RASD2: variants seen among roughly 807,000 people sequenced by gnomAD.
RASD2 encodes the protein GTP-binding protein Rhes.
Under a neutral mutation model 15.8 loss-of-function variants are expected in RASD2, and 7 were observed. The observed-to-expected ratio is 0.44, with a 90% CI of 0.25 to 0.83. The LOEUF is 0.83. RASD2 is among the 40% of genes least tolerant of loss of function. RASD2 has a pLI of 0.20. For synonymous variants in RASD2, 155 were observed against 153.6 expected (o/e 1.01, Z -0.07); for missense variants, 274 against 382.8 (o/e 0.72, Z 2.37).
chr22:35,549,745 G>A (rs1425534811), intron 2 of RASD2, among the ~76,000 whole-genome samples: 2 of 152,204 alleles, frequency 1.3e-5, no homozygotes, highest in Non-Finnish European at 2.9e-5. Context: ...GCTGTTTGGA[G>A]CACACCTTTG....
intron 1 of RASD2, 73 bp from the exon 2 acceptor site, chr22:35,546,728 C>T: frequency 6.5e-7 from 1 of 1,542,712 alleles, no homozygotes; most frequent in East Asian, 2.3e-5. Context: ...TAGACAGAGG[C>T]CTAGAGGAGG....
chr22:35,543,981 C>T lies in RASD2; in HGVS notation c.-10+2481C>T, dbSNP rs28580734. Among the ~76,000 whole-genome samples, 162 of 148,118 alleles carry T rather than the reference C, an allele frequency of 1.1e-3. 1 individual carries two copies. In the East Asian group the frequency reaches 0.02, roughly 19 times the overall value. ...CTCTCTGATTCCCTGCCTCTTTGAC[C>T]CTCTGCCTCCTCTCTTTGACTCCCT... On this transcript the variant is annotated intron_variant, in intron 1 of 2. Coordinates refer to ENST00000216127, the MANE Select transcript of RASD2 (RefSeq NM_014310.4).
chr22:35,534,605 T>C, the RASD2 span, among the ~76,000 whole-genome samples: 1 of 152,218 alleles, frequency 6.6e-6, no homozygotes, highest in South Asian at 2.1e-4. Context: ...CCAACCTGGT[T>C]GATCACAGTC....
chr22:35,551,813 C>G lies in RASD2; in HGVS notation c.582C>G (p.His194Gln). 6.2e-7 allele frequency: 1 copy of G among 1,614,170 alleles called. No individual in the cohort carries two copies. The highest frequency in any genetic ancestry group is 8.5e-7 in the Non-Finnish European group (1 of 1,180,038). The change falls in exon 3 of 3, where the codon CAC (histidine) becomes CAG (glutamine). Residue 194 changes from histidine (H) to glutamine (Q), a missense_variant. Physicochemically the swap from His to Gln is conservative, Grantham distance 24 (BLOSUM62 0). Coordinates refer to ENST00000216127, the MANE Select transcript of RASD2 (RefSeq NM_014310.4). This position sits in a 1 kb window ranked among gnomAD's most constrained non-coding sequence, Gnocchi z 4.9. Reference sequence around the variant, plus strand: ...TCTTCAGCATGGCCAAGCTGCCACACGAGATGAGCCCCGCCCTGCATCGCA... The same window carrying G: ...TCTTCAGCATGGCCAAGCTGCCACAGGAGATGAGCCCCGCCCTGCATCGCA... ...YVLFSMAKLPHEMSPALHRKI... is the reference protein window; with the variant it reads ...YVLFSMAKLPQEMSPALHRKI...
Position 35,551,868 on chromosome 22 carries a change from C to T in RASD2, c.637C>T (p.His213Tyr), listed in dbSNP as rs1289300274. ...CTCCGTGCAGTACGGTGACGCCTTC[C>T]ACCCCAGGCCCTTCTGCATGCGCCG... ...KISVQYGDAFHPRPFCMRRVK... is the reference protein window; with the variant it reads ...KISVQYGDAFYPRPFCMRRVK... Residue 213 changes from histidine to tyrosine, a missense_variant, in exon 3 of 3, where the codon CAC (histidine) becomes TAC (tyrosine). By Grantham distance (83) the His-to-Tyr change is moderately conservative (BLOSUM62 2). Coordinates refer to ENST00000216127, the MANE Select transcript of RASD2 (RefSeq NM_014310.4). This position sits in a 1 kb window ranked among gnomAD's most constrained non-coding sequence, Gnocchi z 4.9. 4.3e-6 allele frequency: 7 copies of T among 1,613,868 alleles called. No homozygotes were observed. Among genetic ancestry groups the T allele is most frequent in the Non-Finnish European group, 5.9e-6 (7 of 1,180,040 alleles).
Position 35,552,666 on chromosome 22 carries a change from G to C in RASD2, c.*634G>C, listed in dbSNP as rs932055833. On this transcript the variant is annotated 3_prime_UTR_variant, in exon 3 of 3. Coordinates refer to ENST00000216127, the MANE Select transcript of RASD2 (RefSeq NM_014310.4). ...ACCACTTAGACCACGCCCACCTCCT[G>C]ACCGCGTTCCTCAGCCTCCTCTCCT... is the stretch of plus-strand genomic sequence containing the variant. 6.5e-6 allele frequency: 1 copy of C among 153,154 alleles called. No homozygotes were observed. Among genetic ancestry groups the C allele is most frequent in the Non-Finnish European group, 1.5e-5 (1 of 68,540 alleles). 9.5% of individuals were successfully genotyped at this position (153,154 alleles called of 1,614,324 possible). A position where few individuals can be genotyped will look rare whatever the true frequency, so the allele number is the denominator to read the frequency against.
At chr22:35,538,088 G>C (rs1011216751), upstream of RASD2, among the ~76,000 whole-genome samples, 2 of 151,872 alleles carry the variant, frequency 1.3e-5, no homozygotes, top group African/African-American at 4.8e-5. Flanking sequence ...TGGAATTATA[G>C]GCGCACACCA....
chr22:35,548,207 C>T (rs1307821027), intron 2 of RASD2, among the ~76,000 whole-genome samples: 1 of 152,172 alleles, frequency 6.6e-6, no homozygotes, highest in African/African-American at 2.4e-5. Flanking sequence ...GGACCCAGCA[C>T]CTGGGTGTGA....
Position 35,541,493 on chromosome 22 carries a change from A to G in RASD2, c.-17A>G, listed in dbSNP as rs1233659312. ...AGCCGTGCCAGAGGCCCGGCCCGCC[A>G]TTCCCAGGTAGGAGACGCCCCAACA... On this transcript the variant is annotated 5_prime_UTR_variant, in exon 1 of 3. Transcript: ENST00000216127. 3.3e-5 allele frequency: 5 copies of G among 152,200 alleles called. No homozygotes were observed. The highest frequency in any genetic ancestry group is 7.3e-5 in the Non-Finnish European group (5 of 68,044). The allele number at this position is 152,200 out of a possible 1,614,324, so 9.4% of individuals were successfully genotyped here.
chr22:35,546,789 G>T lies in RASD2; in HGVS notation c.-9-12G>T. The T allele has an allele frequency of 6.2e-7, 1 of 1,609,606 alleles. No individual in the cohort carries two copies. The highest frequency in any genetic ancestry group is 8.5e-7 in the Non-Finnish European group (1 of 1,177,546). On this transcript the variant is annotated splice_polypyrimidine_tract_variant and intron_variant, in intron 1 of 2. Transcript: ENST00000216127. Reference sequence around the variant, plus strand: ...GGGGGCCCTGATGCCTGCTTCTCTCGCTTTGTTGCAGCCCCGAGCCATGAT... The same window carrying T: ...GGGGGCCCTGATGCCTGCTTCTCTCTCTTTGTTGCAGCCCCGAGCCATGAT...
At chr22:35,537,246 G>A (rs1010629157), upstream of RASD2, among the ~76,000 whole-genome samples, 1 of 152,144 alleles carries the variant, frequency 6.6e-6, no homozygotes, top group Non-Finnish European at 1.5e-5. Context: ...ACCCTTCCCT[G>A]TGTCCAAGGA....
chr22:35,533,941 TGGTGATGATGAC>T, the RASD2 span, among the ~76,000 whole-genome samples: 3 of 149,080 alleles, frequency 2.0e-5, no homozygotes, highest in East Asian at 1.9e-4. Flanking sequence ...GTGATGATGA[TGGTGATGATGAC>T]GGTGATGATT....
chr22:35,536,328 T>C (rs930006335), upstream of RASD2, among the ~76,000 whole-genome samples: 8 of 144,254 alleles, frequency 5.5e-5, no homozygotes, highest in African/African-American at 9.9e-5. Flanking sequence ...AACCGTCTCT[T>C]TTTTTTTTTT....
chr22:35,537,982 G>T (rs550840760), upstream of RASD2, among the ~76,000 whole-genome samples: 1 of 149,504 alleles, frequency 6.7e-6, no homozygotes, highest in South Asian at 2.1e-4. Context: ...GTCTTGCTCC[G>T]TCGCCCAGGC....
chr22:35,533,793 A>G, the RASD2 span, among the ~76,000 whole-genome samples: 1 of 135,596 alleles, frequency 7.4e-6, no homozygotes, highest in South Asian at 2.6e-4. Context: ...GATGATGGGG[A>G]TGATGACAGT....
At chr22:35,538,375 G>A (rs2145864675), upstream of RASD2, among the ~76,000 whole-genome samples, 1 of 152,190 alleles carries the variant, frequency 6.6e-6, no homozygotes, top group South Asian at 2.1e-4. Flanking sequence ...ATGGGAGAGA[G>A]AGGGTGACAG....
the RASD2 span, among the ~76,000 whole-genome samples, chr22:35,533,889 GTGA>G: frequency 7.3e-6 from 1 of 136,742 alleles, no homozygotes; most frequent in South Asian, 2.5e-4. Flanking sequence ...GATGATGATG[GTGA>G]TGACGGGGAT....
chr22:35,540,393 G>A (rs1466973357), upstream of RASD2, among the ~76,000 whole-genome samples: 1 of 149,184 alleles, frequency 6.7e-6, no homozygotes, highest in Non-Finnish European at 1.5e-5. Context: ...GGCCGCGAAA[G>A]GGATGGGCGG....
intron 2 of RASD2, among the ~76,000 whole-genome samples, chr22:35,547,707 C>T (rs112956263): frequency 0.029 from 4,439 of 152,250 alleles, 217 homozygotes; most frequent in African/African-American, 0.1. Context: ...CTCTGCCTCC[C>T]GGGTTCAAGC....
Sources: gnomAD v4.1 joint callset for allele counts (sites outside exome capture counted in the v4.1 genomes callset) on GRCh38, gnomAD v4.1.1 for gene constraint, Gnocchi (gnomAD v3.1) non-coding constraint, MANE v1.5 for transcripts, NCBI Gene and HGNC (gene_info 2026-07-23, HGNC 2026-07-21) for gene names.